Variants in THTPA observed in about 807,000 individuals in gnomAD.
THTPA encodes thiamine-triphosphatase.
In THTPA, 16 loss-of-function variants were observed where a neutral mutation model predicts 16.5. That is an observed-to-expected ratio of 0.97 (90% CI 0.66 to 1.47). The LOEUF (loss-of-function observed/expected upper bound fraction) is 1.47, where lower values mean the gene tolerates loss of function less well. Among genes scored for constraint, THTPA ranks in the 40% most tolerant of loss-of-function variants. The pLI is 0.00. For synonymous variants in THTPA, 110 were observed against 115.5 expected (o/e 0.95, Z 0.30); for missense variants, 281 against 280.9 (o/e 1.00, Z 0.00).
chr14:23,518,081 C>T, the THTPA span, among the ~76,000 whole-genome samples: 1 of 152,138 alleles, frequency 6.6e-6, no homozygotes, highest in Non-Finnish European at 1.5e-5. The surrounding 1 kb of genome is among the most constrained non-coding windows in gnomAD (Gnocchi z 4.5). Context: ...TATACATATG[C>T]CCATGGGGCC....
chr14:23,535,516 G>A, the THTPA span: 1 of 501,832 alleles, frequency 2.0e-6, no homozygotes, highest in East Asian at 3.2e-5. This position sits in a 1 kb window ranked among gnomAD's most constrained non-coding sequence, Gnocchi z 4.5. Flanking sequence ...ATTTCACTTA[G>A]TGTCTAACAT....
chr14:23,554,241 G>C (rs891024764), upstream of THTPA, among the ~76,000 whole-genome samples: 7 of 152,048 alleles, frequency 4.6e-5, no homozygotes. Context: ...TTCATCCCAG[G>C]TTAACAAAAC....
the THTPA span, chr14:23,513,433 G>A: frequency 1.3e-4 from 20 of 152,674 alleles, no homozygotes; most frequent in Admixed American, 9.2e-4. Context: ...GTACATGTAC[G>A]CATAAGCGTG....
At chr14:23,552,917 T>A (rs1882084146), upstream of THTPA, among the ~76,000 whole-genome samples, 1 of 152,042 alleles carries the variant, frequency 6.6e-6, no homozygotes, top group South Asian at 2.1e-4. Context: ...TGTATTCTAA[T>A]AATAATTTTT....
chr14:23,517,180 TG>T, the THTPA span, among the ~76,000 whole-genome samples: 4 of 152,216 alleles, frequency 2.6e-5, no homozygotes, highest in Non-Finnish European at 5.9e-5. Context: ...GAGGGCTGTC[TG>T]GGTTCCATAT....
At chr14:23,526,062 C>T in the THTPA span, 5 of 1,536,532 alleles carry the variant, frequency 3.3e-6, no homozygotes, top group Non-Finnish European at 4.4e-6. Context: ...TCCTTGGGCT[C>T]TTCTTGGCTG....
chr14:23,555,172 G>C (rs1882259838), upstream of THTPA, among the ~76,000 whole-genome samples: 2 of 151,900 alleles, frequency 1.3e-5, no homozygotes, highest in Non-Finnish European at 2.9e-5. Context: ...ATTTTTAGTA[G>C]AGACGGCGGG....
At chr14:23,520,075 T>C in the THTPA span, among the ~76,000 whole-genome samples, 8 of 152,318 alleles carry the variant, frequency 5.3e-5, no homozygotes, top group Admixed American at 1.3e-4. This position sits in a 1 kb window ranked among gnomAD's most constrained non-coding sequence, Gnocchi z 8.7. Context: ...ACCTGATGGC[T>C]ACAGAAACCA....
At chr14:23,527,430 G>C in the THTPA span, among the ~76,000 whole-genome samples, 1 of 151,984 alleles carries the variant, frequency 6.6e-6, no homozygotes, top group Non-Finnish European at 1.5e-5. Flanking sequence ...CTCCCCTCCT[G>C]GATGGCCCTA....
chr14:23,514,201 TG>T, the THTPA span: 1 of 151,784 alleles, frequency 6.6e-6, no homozygotes, highest in African/African-American at 2.4e-5. Flanking sequence ...TTTCGGGAGG[TG>T]GGGTGTTTGG....
At chr14:23,523,516 T>C in the THTPA span, 6 of 1,536,300 alleles carry the variant, frequency 3.9e-6, no homozygotes, top group Non-Finnish European at 5.2e-6. The surrounding 1 kb of genome is among the most constrained non-coding windows in gnomAD (Gnocchi z 4.1). Flanking sequence ...TGCGCTGGGC[T>C]GCTAAGAGGC....
At chr14:23,526,975 TGC>T in the THTPA span, 1 of 1,504,232 alleles carries the variant, frequency 6.6e-7, no homozygotes, top group Non-Finnish European at 8.8e-7. Flanking sequence ...AGTTGTAGCC[TGC>T]AATGAGAAAA....
chr14:23,559,125 A>G lies in THTPA; in HGVS notation c.*285A>G. On this transcript the variant is annotated 3_prime_UTR_variant, in exon 2 of 2. Coordinates refer to ENST00000288014, the MANE Select transcript of THTPA (RefSeq NM_024328.6). ...ATAGGATTTCCACTTAGCCGTGATC[A>G]GTAGTTAAGCACAGGAAAATCCCTT... 5.0e-6 allele frequency: 2 copies of G among 402,162 alleles called. No homozygotes were observed. The highest frequency in any genetic ancestry group is 9.1e-6 in the Non-Finnish European group (2 of 219,188). 24.9% of individuals were successfully genotyped at this position (402,162 alleles called of 1,614,324 possible).
At chr14:23,531,510 C>T in the THTPA span, 9 of 1,465,584 alleles carry the variant, frequency 6.1e-6, no homozygotes, top group Non-Finnish European at 7.2e-6. Context: ...GTGGCTGAAG[C>T]TCAGGATGCT....
chr14:23,535,375 C>T, the THTPA span: 19 of 1,434,178 alleles, frequency 1.3e-5, no homozygotes, highest in Non-Finnish European at 1.6e-5. This position sits in a 1 kb window ranked among gnomAD's most constrained non-coding sequence, Gnocchi z 4.5. Context: ...AGCCAGTACC[C>T]TGTAGGGAGA....
the THTPA span, chr14:23,527,623 A>G: frequency 2.3e-5 from 36 of 1,536,470 alleles, no homozygotes; most frequent in South Asian, 3.8e-4. Flanking sequence ...CAGCTTCTCA[A>G]CGCACTCGGG....
At chr14:23,519,011 C>G in the THTPA span, among the ~76,000 whole-genome samples, 2 of 152,176 alleles carry the variant, frequency 1.3e-5, no homozygotes, top group African/African-American at 4.8e-5. Flanking sequence ...CCTAAGTCAG[C>G]AGAGTCAGCC....
the THTPA span, chr14:23,527,704 G>A: frequency 2.0e-6 from 3 of 1,536,102 alleles, no homozygotes; most frequent in Non-Finnish European, 2.6e-6. Flanking sequence ...CTGGCACAGT[G>A]GGCATCTGTA....
At chr14:23,516,246 C>T in the THTPA span, among the ~76,000 whole-genome samples, 8 of 152,200 alleles carry the variant, frequency 5.3e-5, no homozygotes, top group Non-Finnish European at 8.8e-5. Context: ...TTGAAAAACA[C>T]TGTTCTGAGA....
Sources: gnomAD v4.1 joint callset for allele counts (sites outside exome capture counted in the v4.1 genomes callset) on GRCh38, gnomAD v4.1.1 for gene constraint, Gnocchi (gnomAD v3.1) non-coding constraint, MANE v1.5 for transcripts, NCBI Gene and HGNC (gene_info 2026-07-23, HGNC 2026-07-21) for gene names.